The following AGBL1 variants were observed in gnomAD, a reference collection of about 807,000 sequenced individuals.
The protein encoded by AGBL1 is cytosolic carboxypeptidase 4.
Under a neutral mutation model 118.9 loss-of-function variants are expected in AGBL1, and 130 were observed. That is an observed-to-expected ratio of 1.09 (90% CI 0.95 to 1.26). The LOEUF (loss-of-function observed/expected upper bound fraction) is 1.26, where lower values mean the gene tolerates loss of function less well. Ranked by LOEUF, AGBL1 falls within the 50% of genes most tolerant of loss-of-function variation. The pLI is 0.00. For synonymous variants in AGBL1, 555 were observed against 478.9 expected (o/e 1.16, Z -2.08); for missense variants, 1,584 against 1,298.1 (o/e 1.22, Z -3.38).
At chr15:86,519,201 C>T (rs1393676246) in intron 18 of AGBL1, among the ~76,000 whole-genome samples, 1 of 152,150 alleles carries the variant, frequency 6.6e-6, no homozygotes, top group African/African-American at 2.4e-5. Context: ...TGGCTTAGTA[C>T]AGTTGGCCCT....
At chr15:86,294,216 G>A (rs1318161780) in intron 16 of AGBL1, among the ~76,000 whole-genome samples, 4 of 151,884 alleles carry the variant, frequency 2.6e-5, no homozygotes, top group Non-Finnish European at 5.9e-5. Flanking sequence ...TGGCCAATAT[G>A]GCAAAACCCC....
chr15:86,847,558 G>A (rs1778422304), intron 22 of AGBL1, among the ~76,000 whole-genome samples: 1 of 152,086 alleles, frequency 6.6e-6, no homozygotes, highest in Non-Finnish European at 1.5e-5. Flanking sequence ...ATTTTTAAAG[G>A]CCACGCAGTT....
chr15:86,126,906 T>A (rs1183187888), intron 1 of AGBL1, among the ~76,000 whole-genome samples: 3 of 152,210 alleles, frequency 2.0e-5, no homozygotes, highest in Non-Finnish European at 4.4e-5. Context: ...GCTTTGAAGA[T>A]GAGATTTGCT....
chr15:86,086,395 G>A (rs1340796829), intron 1 of AGBL1: 1 of 152,132 alleles, frequency 6.6e-6, no homozygotes, highest in Non-Finnish European at 1.5e-5. Flanking sequence ...AAAGTGGAGG[G>A]TTTGTGGGGT....
chr15:86,716,909 T>A (rs1237417346), intron 22 of AGBL1, among the ~76,000 whole-genome samples: 1 of 152,242 alleles, frequency 6.6e-6, no homozygotes, highest in Non-Finnish European at 1.5e-5. Context: ...TTATTACGTA[T>A]GTGATTTGGG....
chr15:86,891,251 C>A (rs577835380), intron 22 of AGBL1, among the ~76,000 whole-genome samples: 1 of 152,194 alleles, frequency 6.6e-6, no homozygotes, highest in East Asian at 1.9e-4. Context: ...TGAGACTTTG[C>A]TGAAATTTCT....
Position 86,613,011 on chromosome 15 carries a change from A to G in AGBL1, c.2994+58474A>G, listed in dbSNP as rs1030566394. On this transcript the variant is annotated intron_variant, in intron 21 of 22. Transcript: ENST00000614907. This position sits in a 1 kb window ranked among gnomAD's most constrained non-coding sequence, Gnocchi z 4.2. ...GGCCAAACCAATGTATACCTTACAT[A>G]TAATGATTCATGTCTTTGTCTGTAA... Among the ~76,000 whole-genome samples, 1 of 152,070 alleles carries G rather than the reference A, an allele frequency of 6.6e-6. No individual in the cohort carries two copies. Among genetic ancestry groups the G allele is most frequent in the African/African-American group, 2.4e-5 (1 of 41,308 alleles).
chr15:86,749,834 C>T (rs1287483493), intron 22 of AGBL1, among the ~76,000 whole-genome samples: 3 of 152,144 alleles, frequency 2.0e-5, no homozygotes, highest in Non-Finnish European at 4.4e-5. Context: ...GTATGTTGAA[C>T]CAGCCTTGCA....
chr15:86,594,813 T>C (rs903338329), intron 21 of AGBL1, among the ~76,000 whole-genome samples: 1 of 152,186 alleles, frequency 6.6e-6, no homozygotes, highest in East Asian at 1.9e-4. Flanking sequence ...CATGACTATT[T>C]ATCTGATTTC....
chr15:86,357,234 T>A lies in AGBL1; in HGVS notation c.2375-40132T>A, dbSNP rs200568126. ...GAGTAGTAGCAACAGGAAAACAGATTTCAACCTAGGATAAGAAAGAATTTT... is the reference window on the plus strand; with the variant it reads ...GAGTAGTAGCAACAGGAAAACAGATATCAACCTAGGATAAGAAAGAATTTT... On this transcript the variant is annotated intron_variant, in intron 17 of 22. Transcript: ENST00000614907. Among the ~76,000 whole-genome samples, 11 of 152,280 alleles carry A rather than the reference T, an allele frequency of 7.2e-5. No homozygotes were observed. The East Asian group carries it at 9.7e-4, about 13-fold the overall frequency.
chr15:86,262,920 C>A (rs2079016112), intron 10 of AGBL1, 26 bp downstream of exon 10: 2 of 1,529,104 alleles, frequency 1.3e-6, no homozygotes, highest in South Asian at 2.4e-5. Flanking sequence ...TGGTTCTGAT[C>A]TTTGACGATG....
chr15:86,187,313 A>T (rs977822542), intron 5 of AGBL1, among the ~76,000 whole-genome samples: 2 of 152,226 alleles, frequency 1.3e-5, no homozygotes, highest in Non-Finnish European at 2.9e-5. Flanking sequence ...ATTCCAAAAT[A>T]CAACACAGAT....
chr15:86,590,945 T>C (rs1439911214), intron 21 of AGBL1, among the ~76,000 whole-genome samples: 1 of 152,226 alleles, frequency 6.6e-6, no homozygotes, highest in African/African-American at 2.4e-5. Flanking sequence ...AGTATGATTG[T>C]CTAATCCAGA....
intron 18 of AGBL1, among the ~76,000 whole-genome samples, chr15:86,478,187 T>G (rs1029388906): frequency 1.3e-5 from 2 of 152,114 alleles, no homozygotes; most frequent in African/African-American, 4.8e-5. Flanking sequence ...AGAGATGCCC[T>G]CTCTCACCAC....
intron 22 of AGBL1, among the ~76,000 whole-genome samples, chr15:86,699,246 T>C (rs984635993): frequency 1.4e-4 from 22 of 152,210 alleles, no homozygotes; most frequent in Admixed American, 1.2e-3. Context: ...AGTCATTTTT[T>C]TCCAAATCAT....
chr15:86,212,862 C>T (rs1291626737), intron 5 of AGBL1, among the ~76,000 whole-genome samples: 1 of 152,168 alleles, frequency 6.6e-6, no homozygotes, highest in African/African-American at 2.4e-5. Context: ...GTTGGCCAGG[C>T]TGGTTTCGAA....
At chr15:86,724,092 C>T (rs746239189) in intron 22 of AGBL1, among the ~76,000 whole-genome samples, 109 of 151,856 alleles carry the variant, frequency 7.2e-4, no homozygotes, top group Non-Finnish European at 1.1e-3. Context: ...AAAAATTAGC[C>T]GGGTGCGGTG....
At chr15:86,818,228 T>A (rs1454255540) in intron 22 of AGBL1, among the ~76,000 whole-genome samples, 1 of 152,216 alleles carries the variant, frequency 6.6e-6, no homozygotes, top group South Asian at 2.1e-4. Context: ...TTAAGCCACC[T>A]AATTTGTGAT....
At chr15:86,689,472 A>G (rs192318404) in intron 22 of AGBL1, among the ~76,000 whole-genome samples, 108 of 152,288 alleles carry the variant, frequency 7.1e-4, no homozygotes, top group Non-Finnish European at 1.4e-3. Context: ...GAAGTAATCA[A>G]TAAATATAAT....
Sources: allele counts gnomAD v4.1 joint callset (sites outside exome capture counted in the v4.1 genomes callset), GRCh38; gene constraint gnomAD v4.1.1; non-coding constraint Gnocchi (gnomAD v3.1); transcripts MANE v1.5; gene names NCBI Gene and HGNC (gene_info 2026-07-23, HGNC 2026-07-21).